Variants in TENM2 observed in about 807,000 individuals in gnomAD.
TENM2 encodes the protein teneurin transmembrane protein 2, also known as teneurin-2.
Under a neutral mutation model 245.2 loss-of-function variants are expected in TENM2, and 52 were observed. The ratio of observed to expected loss-of-function variants is 0.21; its 90% confidence interval spans 0.17 to 0.27. The LOEUF is 0.27. Among genes scored for constraint, TENM2 ranks in the 10% least tolerant of loss-of-function variants. TENM2 has a pLI of 1.00. For synonymous variants in TENM2, 1,363 were observed against 1,438.9 expected, an observed-to-expected ratio of 0.95 and a Z score of 1.19; for missense variants, 3,046 against 3,666.8, an observed-to-expected ratio of 0.83 and a Z score of 4.37.
intron 4 of TENM2, among the ~76,000 whole-genome samples, chr5:167,959,012 C>T (rs528660642): frequency 6.6e-6 from 1 of 152,086 alleles, no homozygotes; most frequent in African/African-American, 2.4e-5. Context: ...ATTTCCTGAA[C>T]TTGAATGTTG....
At chr5:167,646,789 T>C (rs1333294766) in intron 2 of TENM2, among the ~76,000 whole-genome samples, 1 of 152,120 alleles carries the variant, frequency 6.6e-6, no homozygotes, top group African/African-American at 2.4e-5. Context: ...AGGCGTATAA[T>C]TGGGAGTGGA....
At chr5:167,008,045 G>A in the TENM2 span, among the ~76,000 whole-genome samples, 15 of 152,034 alleles carry the variant, frequency 9.9e-5, no homozygotes, top group East Asian at 1.9e-4. Flanking sequence ...TCCCTTCCCC[G>A]TTCCTCTTCT....
At chr5:166,998,585 C>G in the TENM2 span, among the ~76,000 whole-genome samples, 1 of 152,056 alleles carries the variant, frequency 6.6e-6, no homozygotes, top group South Asian at 2.1e-4. Context: ...CTCTAAAGGA[C>G]AAATATCTAG....
At chr5:167,149,817 T>C in the TENM2 span, among the ~76,000 whole-genome samples, 1 of 152,162 alleles carries the variant, frequency 6.6e-6, no homozygotes, top group Non-Finnish European at 1.5e-5. Flanking sequence ...TTTGTCCTAA[T>C]TGCATTGACT....
chr5:167,085,967 A>C, the TENM2 span, among the ~76,000 whole-genome samples: 1 of 152,176 alleles, frequency 6.6e-6, no homozygotes. Flanking sequence ...CCAAGGATAC[A>C]ACTTCTTTCC....
At chr5:167,806,576 T>C (rs1346409334) in intron 2 of TENM2, among the ~76,000 whole-genome samples, 2 of 152,052 alleles carry the variant, frequency 1.3e-5, no homozygotes, top group Non-Finnish European at 2.9e-5. Flanking sequence ...TTTAATGTTC[T>C]CTGAAGATCA....
chr5:167,670,527 G>T (rs552129584), intron 2 of TENM2, among the ~76,000 whole-genome samples: 22 of 151,554 alleles, frequency 1.5e-4, no homozygotes, highest in Non-Finnish European at 2.4e-4. Context: ...TGAAAGACCT[G>T]TATGAGACTC....
chr5:166,990,992 A>T, the TENM2 span, among the ~76,000 whole-genome samples: 1 of 152,256 alleles, frequency 6.6e-6, no homozygotes, highest in African/African-American at 2.4e-5. Context: ...TGAAGTTAAA[A>T]AAGAAAGAAA....
At chr5:168,005,335 C>T (rs984360891) in intron 5 of TENM2, among the ~76,000 whole-genome samples, 24 of 152,184 alleles carry the variant, frequency 1.6e-4, no homozygotes, top group Non-Finnish European at 2.8e-4. Flanking sequence ...AGGGAGAATG[C>T]TGTCAAAACA....
At chr5:168,132,760 G>T (rs1282656795) in intron 12 of TENM2, among the ~76,000 whole-genome samples, 2 of 152,324 alleles carry the variant, frequency 1.3e-5, no homozygotes, top group Non-Finnish European at 2.9e-5. Flanking sequence ...GGGATGCATT[G>T]TCCTAATGTA....
At chr5:167,617,565 C>T (rs1777870432) in intron 2 of TENM2, among the ~76,000 whole-genome samples, 2 of 152,188 alleles carry the variant, frequency 1.3e-5, no homozygotes, top group African/African-American at 4.8e-5. Flanking sequence ...TAGTAACTGA[C>T]ATTCAGATGT....
At chr5:167,580,938 G>A (rs1368002660) in intron 2 of TENM2, among the ~76,000 whole-genome samples, 1 of 152,176 alleles carries the variant, frequency 6.6e-6, no homozygotes, top group Non-Finnish European at 1.5e-5. Flanking sequence ...GTAGTGAGCG[G>A]AGATCGTGCC....
chr5:167,996,856 A>G (rs1273210756), intron 5 of TENM2, among the ~76,000 whole-genome samples: 1 of 152,006 alleles, frequency 6.6e-6, no homozygotes, highest in African/African-American at 2.4e-5. Context: ...CTCGTGCCTC[A>G]GCCTCCCAAG....
intron 5 of TENM2, among the ~76,000 whole-genome samples, chr5:168,006,610 C>T (rs1189632035): frequency 2.0e-5 from 3 of 152,124 alleles, no homozygotes; most frequent in South Asian, 4.1e-4. Context: ...GCACAAGGCT[C>T]TTCAGTATGA....
At chr5:167,488,972 T>A (rs369306801) in intron 2 of TENM2, among the ~76,000 whole-genome samples, 24 of 152,242 alleles carry the variant, frequency 1.6e-4, no homozygotes, top group African/African-American at 5.5e-4. Context: ...CCACTTCATA[T>A]CCAATTCTCT....
intron 27 of TENM2, among the ~76,000 whole-genome samples, chr5:168,248,746 C>T (rs896246889): frequency 5.3e-5 from 8 of 152,224 alleles, no homozygotes; most frequent in Non-Finnish European, 1.0e-4. Context: ...ACTAGTTGTT[C>T]AATCTCTCTG....
intron 2 of TENM2, among the ~76,000 whole-genome samples, chr5:167,759,618 C>G (rs11947990): frequency 0.033 from 5,004 of 152,130 alleles, 292 homozygotes; most frequent in African/African-American, 0.11. Context: ...GGAATGTAGA[C>G]AACATCATGA....
At chr5:167,668,908 C>T (rs1462921655) in intron 2 of TENM2, among the ~76,000 whole-genome samples, 1 of 151,660 alleles carries the variant, frequency 6.6e-6, no homozygotes, top group African/African-American at 2.4e-5. Context: ...GAGCCGAGAT[C>T]CCCCACTGAA....
intron 2 of TENM2, among the ~76,000 whole-genome samples, chr5:167,590,548 TA>T (rs899742678): frequency 6.6e-6 from 1 of 152,094 alleles, no homozygotes; most frequent in Non-Finnish European, 1.5e-5. Context: ...CTTAATGTAA[TA>T]GAAGAACCAC....
Sources: gnomAD v4.1 joint callset for allele counts (sites outside exome capture counted in the v4.1 genomes callset) on GRCh38, gnomAD v4.1.1 for gene constraint, MANE v1.5 for transcripts, NCBI Gene and HGNC (gene_info 2026-07-23, HGNC 2026-07-21) for gene names.